The following SOX13 variants were observed in gnomAD, a reference collection of about 807,000 sequenced individuals.
The protein encoded by SOX13 is transcription factor SOX-13.
A neutral mutation model predicts 71.8 loss-of-function variants in SOX13; 28 were observed. That is an observed-to-expected ratio of 0.39 (90% confidence interval 0.29 to 0.53). The LOEUF is 0.53. SOX13 is among the 20% of genes least tolerant of loss of function. SOX13 has a pLI of 0.70. For missense variants in SOX13, 627 were observed against 810.3 expected (o/e 0.77, Z 2.75); for synonymous variants, 309 against 317.8 (o/e 0.97, Z 0.29).
In SOX13 at chr1:204,126,216, CTA is replaced by C. The variant is rs1656920608; in HGVS notation, c.*84_*85del. The C allele has an allele frequency of 1.4e-6, 2 of 1,438,380 alleles. No individual in the cohort carries two copies. Among genetic ancestry groups the C allele is most frequent in the Non-Finnish European group, 1.9e-6 (2 of 1,047,248 alleles). 89.1% of individuals were successfully genotyped at this position (1,438,380 alleles called of 1,614,324 possible). On this transcript the variant is annotated 3_prime_UTR_variant, in exon 14 of 14. Coordinates refer to ENST00000367204, the MANE Select transcript of SOX13 (RefSeq NM_005686.3). ...ATGGGCACAGCCAGCCAACCTAAGA[CTA>C]TGTTGGTACTTGGACTTGTTCGTGC...
rs1656851586 is a variant in SOX13 at position 204,123,366 on chromosome 1, C to G, written c.1231+158C>G. Among the ~76,000 whole-genome samples the G allele has an allele frequency of 6.6e-6, 1 of 152,200 alleles. No individual in the cohort carries two copies. Among genetic ancestry groups the G allele is most frequent in the Non-Finnish European group, 1.5e-5 (1 of 68,040 alleles). ...CTGTCCCATTATGTGTCTGTCGGCT[C>G]TGTCTCTGAGTCTGCTTTCCTAAGT... On this transcript the variant is annotated intron_variant, in intron 11 of 13. Coordinates refer to ENST00000367204, the MANE Select transcript of SOX13 (RefSeq NM_005686.3). This position sits in a 1 kb window ranked among gnomAD's most constrained non-coding sequence, Gnocchi z 5.0.
intron 1 of SOX13, among the ~76,000 whole-genome samples, chr1:204,074,783 G>C (rs1043653141): frequency 6.6e-6 from 1 of 152,160 alleles, no homozygotes; most frequent in East Asian, 1.9e-4. Context: ...CCGAGCGCTG[G>C]AGCGGCGGCT....
chr1:204,114,331 C>A lies in SOX13; in HGVS notation c.230C>A (p.Ser77Tyr). Reference sequence around the variant, plus strand: ...CAGTATGTCTTGCAGGACTGTAGCTCTCCAGAGGGTAATGGGTCCCCAGAA... The same window carrying A: ...CAGTATGTCTTGCAGGACTGTAGCTATCCAGAGGGTAATGGGTCCCCAGAA... ...GNFRGSWDCSSPEGNGSPEPK... is the reference protein window; with the variant it reads ...GNFRGSWDCSYPEGNGSPEPK... The change falls in exon 3 of 14, where the codon TCT becomes TAT. Residue 77 changes from serine (S) to tyrosine (Y), a missense_variant. This residue lies in a region of SOX13 where 447 missense variants were observed against 532.2 expected (regional missense o/e 0.84). Transcript: ENST00000367204. 1 of 1,603,472 alleles carries A rather than the reference C, an allele frequency of 6.2e-7. No homozygotes were observed.
chr1:204,094,149 A>G (rs1360934583), intron 1 of SOX13, among the ~76,000 whole-genome samples: 2 of 152,218 alleles, frequency 1.3e-5, no homozygotes, highest in African/African-American at 4.8e-5. Context: ...TTAGAAAATA[A>G]CTGTGCCGAG....
chr1:204,080,296 G>T (rs1655875838), intron 1 of SOX13, among the ~76,000 whole-genome samples: 1 of 152,024 alleles, frequency 6.6e-6, no homozygotes, highest in South Asian at 2.1e-4. Flanking sequence ...GGCAGGGTTA[G>T]GGGGAGGGGT....
At position 204,121,897 on chromosome 1, in the gene SOX13, T is replaced by C. The variant is rs370959331; in HGVS notation, c.776-3T>C. ...ACTTTTCTCCTTGCTGCCTTTTCCA[T>C]AGTGGAGTATCCGCTGCAGCTGCTG... On this transcript the variant is annotated splice_region_variant and splice_polypyrimidine_tract_variant and intron_variant, in intron 7 of 13. Transcript: ENST00000367204. 23 of 1,608,782 alleles carry C rather than the reference T, an allele frequency of 1.4e-5. No individual in the cohort carries two copies. The African/African-American group carries it at 2.9e-4, about 21-fold the overall frequency.
At chr1:204,106,917 G>A (rs1002508866) in intron 1 of SOX13, among the ~76,000 whole-genome samples, 1 of 152,248 alleles carries the variant, frequency 6.6e-6, no homozygotes, top group East Asian at 1.9e-4. Flanking sequence ...ATAGGGTCTG[G>A]TGTTGTTAAC....
At chr1:204,088,937 A>G (rs987230155) in intron 1 of SOX13, among the ~76,000 whole-genome samples, 8 of 152,070 alleles carry the variant, frequency 5.3e-5, no homozygotes, top group Non-Finnish European at 1.0e-4. Context: ...TGGTGGGTTG[A>G]GGGGAGCCTC....
chr1:204,116,083 C>A, intron 4 of SOX13: 2 of 1,019,750 alleles, frequency 2.0e-6, no homozygotes, highest in Non-Finnish European at 2.5e-6. Context: ...TAACAGCTCA[C>A]AGACAGGATG....
rs1655720891 is a variant in SOX13 at position 204,073,723 on chromosome 1, C to G, written c.-2+12C>G. On this transcript the variant is annotated intron_variant, in intron 1 of 13. Transcript: ENST00000367204. The surrounding 1 kb of genome is among the most constrained non-coding windows in gnomAD (Gnocchi z 6.8). ...CGCCTGGCTGAGTAGTAAGTGCACC[C>G]CTCCCCGCCATGATCGCGCCGTCGC... 1.3e-5 allele frequency: 2 copies of G among 152,388 alleles called. No homozygotes were observed. The highest frequency in any genetic ancestry group is 2.1e-4 in the South Asian group (1 of 4,840). 9.4% of individuals were successfully genotyped at this position (152,388 alleles called of 1,614,324 possible). A position where few individuals can be genotyped will look rare whatever the true frequency, so the allele number is the denominator to read the frequency against.
intron 1 of SOX13, among the ~76,000 whole-genome samples, chr1:204,094,319 C>T (rs1656205860): frequency 6.6e-6 from 1 of 152,240 alleles, no homozygotes; most frequent in African/African-American, 2.4e-5. Flanking sequence ...ACGCAGACCT[C>T]TCACCTGGGC....
Position 204,126,160 on chromosome 1 carries a change from TCTC to T in SOX13, c.*30_*32del. The T allele has an allele frequency of 2.5e-6, 4 of 1,606,740 alleles. No homozygotes were observed. The highest frequency in any genetic ancestry group is 3.4e-6 in the Non-Finnish European group (4 of 1,174,832). On this transcript the variant is annotated 3_prime_UTR_variant, in exon 14 of 14. Coordinates refer to ENST00000367204, the MANE Select transcript of SOX13 (RefSeq NM_005686.3). The stretch of plus-strand genomic sequence containing the variant: ...TCCCGGCTGGGTGGGCCTGGCCCCT[TCTC>T]CTCTGGGGAAGACCTTGTCCCAACT...
At chr1:204,075,264 G>A (rs1041026172) in intron 1 of SOX13, among the ~76,000 whole-genome samples, 1 of 152,186 alleles carries the variant, frequency 6.6e-6, no homozygotes, top group African/African-American at 2.4e-5. Context: ...TGCCTACCGC[G>A]GTTGTGCTTT....
At chr1:204,075,950 T>C (rs1655778002) in intron 1 of SOX13, among the ~76,000 whole-genome samples, 1 of 152,180 alleles carries the variant, frequency 6.6e-6, no homozygotes, top group Non-Finnish European at 1.5e-5. Flanking sequence ...AATTATAACA[T>C]TGCCCACTTC....
At chr1:204,094,890 T>C (rs1293576467) in intron 1 of SOX13, among the ~76,000 whole-genome samples, 2 of 152,146 alleles carry the variant, frequency 1.3e-5, no homozygotes, top group Non-Finnish European at 2.9e-5. Flanking sequence ...AGGAAAAGGA[T>C]GGCTTGGGTG....
At chr1:204,106,447 G>A (rs1368961225) in intron 1 of SOX13, among the ~76,000 whole-genome samples, 3 of 152,032 alleles carry the variant, frequency 2.0e-5, no homozygotes, top group Non-Finnish European at 2.9e-5. Flanking sequence ...CAGGCACTGT[G>A]CTAGGCTCTG....
chr1:204,075,443 A>G (rs1026303791), intron 1 of SOX13, among the ~76,000 whole-genome samples: 3 of 152,258 alleles, frequency 2.0e-5, no homozygotes, highest in Admixed American at 6.5e-5. Flanking sequence ...GCTTCACAAG[A>G]TGCTGGGATT....
intron 1 of SOX13, among the ~76,000 whole-genome samples, chr1:204,090,960 A>G (rs1656129048): frequency 6.6e-6 from 1 of 152,174 alleles, no homozygotes; most frequent in African/African-American, 2.4e-5. Context: ...CATCCAGGTT[A>G]GAAGGAACCT....
chr1:204,099,077 G>C (rs1194412337), intron 1 of SOX13, among the ~76,000 whole-genome samples: 1 of 152,198 alleles, frequency 6.6e-6, no homozygotes, highest in Admixed American at 6.5e-5. Flanking sequence ...GTGGGACAGT[G>C]GGGTTTCCAG....
Sources: allele counts gnomAD v4.1 joint callset (sites outside exome capture counted in the v4.1 genomes callset), GRCh38; gene constraint gnomAD v4.1.1; regional missense constraint gnomAD v4.1.1; non-coding constraint Gnocchi (gnomAD v3.1); transcripts MANE v1.5; gene names NCBI Gene and HGNC (gene_info 2026-07-23, HGNC 2026-07-21).